EXOC6: variants seen among roughly 807,000 people sequenced by gnomAD.
EXOC6 encodes the protein SEC15-like 1.
A neutral mutation model predicts 112.5 loss-of-function variants in EXOC6; 60 were observed. The ratio of observed to expected loss-of-function variants is 0.53; its 90% CI spans 0.43 to 0.66. The LOEUF is 0.66. Among genes scored for constraint, EXOC6 ranks in the 30% least tolerant of loss-of-function variants. EXOC6 has a pLI of 0.00. For synonymous variants in EXOC6, 295 were observed against 308.0 expected (o/e 0.96, Z 0.44); for missense variants, 855 against 957.1 (o/e 0.89, Z 1.41).
At chr10:92,879,373 G>A (rs982411519) in intron 1 of EXOC6, among the ~76,000 whole-genome samples, 2 of 152,232 alleles carry the variant, frequency 1.3e-5, no homozygotes, top group African/African-American at 4.8e-5. Flanking sequence ...AGAGGCTGAG[G>A]TGAGAGGATC....
chr10:92,981,836 G>A lies in EXOC6; in HGVS notation c.1953+7604G>A, dbSNP rs182992939. 9.9e-5 allele frequency among the ~76,000 whole-genome samples: 15 copies of A among 152,168 alleles called. No individual in the cohort carries two copies. The East Asian group carries it at 1.5e-3, about 16-fold the overall frequency. ...GACAATTTAAAAAAAAGACATGATC[G>A]GCTGGGTGCGGTGGCTCACGCCTGT... is the stretch of plus-strand genomic sequence containing the variant. On this transcript the variant is annotated intron_variant, in intron 18 of 21. Coordinates refer to ENST00000260762, the MANE Select transcript of EXOC6 (RefSeq NM_019053.6).
intron 20 of EXOC6, among the ~76,000 whole-genome samples, chr10:93,021,509 A>G (rs1426270439): frequency 6.6e-6 from 1 of 151,964 alleles, no homozygotes; most frequent in Non-Finnish European, 1.5e-5. Context: ...TATCCCTACA[A>G]CTCTCAACTT....
At chr10:93,031,089 A>T (rs1845249234) in intron 20 of EXOC6, among the ~76,000 whole-genome samples, 1 of 152,194 alleles carries the variant, frequency 6.6e-6, no homozygotes, top group Non-Finnish European at 1.5e-5. Flanking sequence ...GCACCTACAG[A>T]TGCAGAAAGA....
At chr10:92,911,438 A>G (rs1239135828) in intron 6 of EXOC6, among the ~76,000 whole-genome samples, 1 of 152,220 alleles carries the variant, frequency 6.6e-6, no homozygotes, top group African/African-American at 2.4e-5. Flanking sequence ...TTTCAGTATG[A>G]GAATGCCAAC....
intron 20 of EXOC6, among the ~76,000 whole-genome samples, chr10:93,045,456 A>G (rs939737418): frequency 2.0e-4 from 30 of 152,214 alleles, no homozygotes; most frequent in African/African-American, 5.3e-4. Context: ...TTTCTTAACA[A>G]TTGTACTGCG....
intron 18 of EXOC6, among the ~76,000 whole-genome samples, chr10:92,974,720 C>A (rs1842439190): frequency 6.6e-6 from 1 of 152,224 alleles, no homozygotes; most frequent in South Asian, 2.1e-4. Context: ...CGCACGCCAC[C>A]ACGCCTGACT....
chr10:93,050,781 A>AAAAAAAAAAAG (rs1564940948), intron 20 of EXOC6, among the ~76,000 whole-genome samples: 1 of 148,626 alleles, frequency 6.7e-6, no homozygotes, highest in African/African-American at 2.5e-5. Flanking sequence ...AAAAAAAAAA[A>AAAAAAAAAAAG]GAATTGCTTG....
At position 92,854,398 on chromosome 10, in the gene EXOC6, T is replaced by C. The variant is rs944576852; in HGVS notation, c.101+5764T>C. ...GATGCATGAGCCGAGATTGTGCCAA[T>C]GCACTCCAGCCTGGGCGACAGAATG... is the stretch of plus-strand genomic sequence containing the variant. On this transcript the variant is annotated intron_variant, in intron 1 of 21. Transcript: ENST00000260762. 2.0e-5 allele frequency among the ~76,000 whole-genome samples: 3 copies of C among 150,644 alleles called. No homozygotes were observed. In the South Asian group the frequency reaches 6.3e-4, roughly 32 times the overall value.
At chr10:92,870,382 TCA>T (rs763618660) in intron 1 of EXOC6, among the ~76,000 whole-genome samples, 62 of 152,302 alleles carry the variant, frequency 4.1e-4, no homozygotes, top group Non-Finnish European at 7.9e-4. Flanking sequence ...ATGGAGATGG[TCA>T]TAGGATTTTT....
chr10:92,852,815 G>A (rs1417805594), intron 1 of EXOC6, among the ~76,000 whole-genome samples: 2 of 152,140 alleles, frequency 1.3e-5, no homozygotes, highest in Non-Finnish European at 2.9e-5. Context: ...GTGCTTAGTG[G>A]TAAGAGTCTG....
chr10:92,903,534 T>G (rs888537209), intron 5 of EXOC6, among the ~76,000 whole-genome samples: 1 of 152,032 alleles, frequency 6.6e-6, no homozygotes, highest in African/African-American at 2.4e-5. Flanking sequence ...AATTGGCTTA[T>G]CTAGAGATCT....
At chr10:92,887,916 CTT>C (rs1247346655) in intron 1 of EXOC6, among the ~76,000 whole-genome samples, 1 of 152,096 alleles carries the variant, frequency 6.6e-6, no homozygotes, top group East Asian at 1.9e-4. Context: ...ACCTTGATGA[CTT>C]TATTTCTGTG....
intron 1 of EXOC6, among the ~76,000 whole-genome samples, chr10:92,858,474 T>C (rs1847734114): frequency 6.6e-6 from 1 of 152,154 alleles, no homozygotes; most frequent in Non-Finnish European, 1.5e-5. Context: ...TCTGATTGCA[T>C]AATCAGACTG....
intron 1 of EXOC6, among the ~76,000 whole-genome samples, chr10:92,838,130 A>C (rs2133580301): frequency 6.6e-6 from 1 of 152,294 alleles, no homozygotes; most frequent in South Asian, 2.1e-4. Context: ...AGTGTAATTC[A>C]AGGGTAACTG....
intron 14 of EXOC6, among the ~76,000 whole-genome samples, chr10:92,948,687 G>A (rs895388175): frequency 1.3e-5 from 2 of 151,740 alleles, no homozygotes; most frequent in Non-Finnish European, 2.9e-5. Context: ...CCAAATGTTA[G>A]GTGGATTCCT....
intron 1 of EXOC6, among the ~76,000 whole-genome samples, chr10:92,863,701 A>G (rs987495502): frequency 1.3e-5 from 2 of 152,226 alleles, no homozygotes; most frequent in South Asian, 2.1e-4. Flanking sequence ...TCACAAGGTC[A>G]GGAGATCGAG....
chr10:92,834,669 T>A, upstream of EXOC6: 1 of 1,264,312 alleles, frequency 7.9e-7, no homozygotes, highest in Non-Finnish European at 1.1e-6. Flanking sequence ...ATTTTTTTTT[T>A]TATAAATTAC....
At chr10:92,930,162 A>G (rs1335351528) in intron 9 of EXOC6, among the ~76,000 whole-genome samples, 1 of 152,192 alleles carries the variant, frequency 6.6e-6, no homozygotes, top group East Asian at 1.9e-4. Context: ...TGCACATGGA[A>G]GATTCACCAA....
intron 1 of EXOC6, among the ~76,000 whole-genome samples, chr10:92,870,669 A>G (rs61860830): frequency 0.011 from 1,718 of 151,750 alleles, 19 homozygotes; most frequent in Non-Finnish European, 0.017. Flanking sequence ...ACAAAATTGG[A>G]AGTTTTTCTT....
Sources: allele counts gnomAD v4.1 joint callset (sites outside exome capture counted in the v4.1 genomes callset), GRCh38; gene constraint gnomAD v4.1.1; transcripts MANE v1.5; gene names NCBI Gene and HGNC (gene_info 2026-07-23, HGNC 2026-07-21).